NSUN6: variants seen among roughly 807,000 people sequenced by gnomAD.
NSUN6 encodes the protein tRNA (cytosine(72)-C(5))-methyltransferase NSUN6.
In NSUN6, 64 loss-of-function variants were observed where a neutral mutation model predicts 58.0. The observed-to-expected ratio is 1.10, with a 90% CI of 0.90 to 1.36. The LOEUF is 1.36. Among genes scored for constraint, NSUN6 ranks in the 40% most tolerant of loss-of-function variants. The pLI is 0.00. For synonymous variants in NSUN6, 231 were observed against 193.9 expected, an observed-to-expected ratio of 1.19 and a Z score of -1.59; for missense variants, 701 against 550.1, an observed-to-expected ratio of 1.27 and a Z score of -2.74.
chr10:18,633,808 A>G (rs1379903820), intron 3 of NSUN6, among the ~76,000 whole-genome samples: 1 of 152,172 alleles, frequency 6.6e-6, no homozygotes, highest in African/African-American at 2.4e-5. Flanking sequence ...AAGAAATACC[A>G]ACCAACTTTG....
chr10:18,643,919 A>G (rs1016608420), intron 2 of NSUN6, among the ~76,000 whole-genome samples: 2 of 152,194 alleles, frequency 1.3e-5, no homozygotes, highest in Non-Finnish European at 2.9e-5. Flanking sequence ...ATAAAACCAC[A>G]CATGTACATA....
At chr10:18,563,758 T>C (rs2055720334) in intron 8 of NSUN6, among the ~76,000 whole-genome samples, 1 of 150,914 alleles carries the variant, frequency 6.6e-6, no homozygotes, top group South Asian at 2.1e-4. Flanking sequence ...TCCATACCAT[T>C]CCATTCTCCA....
intron 8 of NSUN6, among the ~76,000 whole-genome samples, chr10:18,558,360 T>C (rs906063138): frequency 1.0e-4 from 15 of 148,674 alleles, no homozygotes; most frequent in Admixed American, 3.4e-4. Flanking sequence ...GAATGGAGAA[T>C]GGAATGGAGT....
At chr10:18,592,251 C>A (rs1236165006) in intron 7 of NSUN6, among the ~76,000 whole-genome samples, 2 of 152,182 alleles carry the variant, frequency 1.3e-5, no homozygotes, top group Non-Finnish European at 2.9e-5. Flanking sequence ...AAATTCCATG[C>A]TCGTGGATAG....
chr10:18,548,996 G>C (rs192016076), intron 9 of NSUN6, among the ~76,000 whole-genome samples: 2 of 152,120 alleles, frequency 1.3e-5, no homozygotes, highest in Admixed American at 6.5e-5. Context: ...TTTATCTTTT[G>C]CCTGGATTAT....
At chr10:18,600,965 T>TATATATATGTATATATATATATATACAC (rs2057807540) in intron 6 of NSUN6, among the ~76,000 whole-genome samples, 2 of 105,342 alleles carry the variant, frequency 1.9e-5, no homozygotes, top group African/African-American at 7.6e-5. Context: ...TATATACATA[T>TATATATATGTATATATATATATATACAC]ATATATATAT....
chr10:18,647,363 C>T (rs755929671), intron 2 of NSUN6, among the ~76,000 whole-genome samples: 1 of 152,168 alleles, frequency 6.6e-6, no homozygotes, highest in Non-Finnish European at 1.5e-5. Context: ...TGTTACCAGT[C>T]AGTGAATAAC....
upstream of NSUN6, chr10:18,652,629 C>T (rs1490213712): frequency 7.9e-6 from 7 of 886,512 alleles, no homozygotes; most frequent in African/African-American, 1.9e-5. Context: ...GGTGGGATCT[C>T]GACTCACTGC....
intron 4 of NSUN6, among the ~76,000 whole-genome samples, chr10:18,615,661 A>G (rs536986560): frequency 1.3e-5 from 2 of 152,376 alleles, no homozygotes; most frequent in South Asian, 4.1e-4. Flanking sequence ...ACTGAGGCCC[A>G]GAGACGGAAT....
intron 3 of NSUN6, among the ~76,000 whole-genome samples, chr10:18,628,525 T>C (rs1590129298): frequency 6.6e-6 from 1 of 152,036 alleles, no homozygotes. Context: ...TAGAAGAATC[T>C]ATAACTAGAA....
Position 18,619,836 on chromosome 10 carries a change from T to C in NSUN6, c.312-3543A>G, listed in dbSNP as rs1227714934. On this transcript the variant is annotated intron_variant, in intron 3 of 10. Transcript: ENST00000377304. ...TAAAAGAACTTATTTCAAGTTTTTA[T>C]ATCATTTGAGATCTTGATATAAGAA... Among the ~76,000 whole-genome samples, 3 of 152,338 alleles carry C rather than the reference T, an allele frequency of 2.0e-5. No individual in the cohort carries two copies. The East Asian group carries it at 5.8e-4, about 29-fold the overall frequency.
upstream of NSUN6, among the ~76,000 whole-genome samples, chr10:18,657,369 G>C (rs188824622): frequency 2.7e-4 from 41 of 152,136 alleles, no homozygotes; most frequent in African/African-American, 4.8e-4. Flanking sequence ...TTGTTCATAA[G>C]AAAGGTGTTA....
intron 7 of NSUN6, among the ~76,000 whole-genome samples, chr10:18,586,365 TC>T (rs889697060): frequency 7.2e-5 from 11 of 152,102 alleles, no homozygotes; most frequent in African/African-American, 2.7e-4. Flanking sequence ...CGGAGCTTGT[TC>T]CTTCAGATGT....
At chr10:18,608,279 A>C (rs1396744426) in intron 6 of NSUN6, among the ~76,000 whole-genome samples, 1 of 151,808 alleles carries the variant, frequency 6.6e-6, no homozygotes, top group Non-Finnish European at 1.5e-5. Context: ...GTGCAGCTAT[A>C]GATAGCAAAA....
At chr10:18,576,893 G>T (rs2056677101) in intron 8 of NSUN6, among the ~76,000 whole-genome samples, 1 of 152,110 alleles carries the variant, frequency 6.6e-6, no homozygotes, top group African/African-American at 2.4e-5. Context: ...ACCAGAGGAA[G>T]AAAAAATAGG....
At chr10:18,577,204 A>G (rs1285300368) in intron 8 of NSUN6, among the ~76,000 whole-genome samples, 1 of 152,174 alleles carries the variant, frequency 6.6e-6, no homozygotes, top group African/African-American at 2.4e-5. Flanking sequence ...ATATTAGCAG[A>G]AAGAGGAGGA....
intron 8 of NSUN6, among the ~76,000 whole-genome samples, chr10:18,554,400 G>A (rs1256007053): frequency 2.0e-5 from 3 of 150,748 alleles, no homozygotes; most frequent in African/African-American, 7.3e-5. Context: ...GGAATGAAAT[G>A]GAGAATGGAA....
intron 3 of NSUN6, among the ~76,000 whole-genome samples, chr10:18,627,652 A>G (rs1302332039): frequency 6.6e-6 from 1 of 152,194 alleles, no homozygotes; most frequent in East Asian, 1.9e-4. Flanking sequence ...GGGGTGACAG[A>G]CGGCACCTGG....
intron 2 of NSUN6, among the ~76,000 whole-genome samples, chr10:18,645,384 A>T (rs534518467): frequency 6.6e-6 from 1 of 152,316 alleles, no homozygotes; most frequent in African/African-American, 2.4e-5. Context: ...GGTGAATATG[A>T]AACATAAAAG....
Sources: gnomAD v4.1 joint callset for allele counts (sites outside exome capture counted in the v4.1 genomes callset) on GRCh38, gnomAD v4.1.1 for gene constraint, MANE v1.5 for transcripts, NCBI Gene and HGNC (gene_info 2026-07-23, HGNC 2026-07-21) for gene names.